Variants in MCUB observed in about 807,000 individuals in gnomAD.
MCUB encodes mitochondrial calcium uniporter dominant negative subunit beta, also known as calcium uniporter regulatory subunit MCUb, mitochondrial.
MCUB carries 46 observed loss-of-function variants against 41.4 expected under a neutral mutation model. That is an observed-to-expected ratio of 1.11 (90% CI 0.88 to 1.42). MCUB has a LOEUF of 1.42. Among genes scored for constraint, MCUB ranks in the 40% most tolerant of loss-of-function variants. The pLI is 0.00. For missense variants in MCUB, 403 were observed against 404.9 expected, an observed-to-expected ratio of 1.00 and a Z score of 0.04; for synonymous variants, 148 against 148.2, an observed-to-expected ratio of 1.00 and a Z score of 0.01.
At chr4:109,579,559 G>A (rs997245513) in intron 1 of MCUB, among the ~76,000 whole-genome samples, 1 of 152,140 alleles carries the variant, frequency 6.6e-6, no homozygotes, top group African/African-American at 2.4e-5. Flanking sequence ...ATAGCATTAG[G>A]CAGGTTTTGC....
chr4:109,572,804 A>G (rs1436574593), intron 1 of MCUB, among the ~76,000 whole-genome samples: 1 of 152,154 alleles, frequency 6.6e-6, no homozygotes, highest in Non-Finnish European at 1.5e-5. Flanking sequence ...TCATACTACT[A>G]CAATATAATT....
At chr4:109,603,397 C>T (rs1727791726) in intron 1 of MCUB, among the ~76,000 whole-genome samples, 1 of 152,204 alleles carries the variant, frequency 6.6e-6, no homozygotes, top group African/African-American at 2.4e-5. Flanking sequence ...TCACTCAGTG[C>T]TCAATGTTGC....
At chr4:109,563,198 T>C (rs1726682087) in intron 1 of MCUB, among the ~76,000 whole-genome samples, 1 of 152,244 alleles carries the variant, frequency 6.6e-6, no homozygotes, top group African/African-American at 2.4e-5. Context: ...TTTGTGCTAC[T>C]TAGACTGAGA....
intron 1 of MCUB, among the ~76,000 whole-genome samples, chr4:109,568,340 A>G (rs1222323915): frequency 6.6e-6 from 1 of 152,202 alleles, no homozygotes; most frequent in Non-Finnish European, 1.5e-5. Flanking sequence ...GCCTTAAAAC[A>G]TAAACTGCAG....
At chr4:109,634,499 AAAAAG>A (rs1398238020) in intron 1 of MCUB, among the ~76,000 whole-genome samples, 1 of 151,782 alleles carries the variant, frequency 6.6e-6, no homozygotes, top group Non-Finnish European at 1.5e-5. Context: ...AAAAAAAAAA[AAAAAG>A]AAGTGTCTCC....
At chr4:109,631,275 G>A (rs1728469535) in intron 1 of MCUB, among the ~76,000 whole-genome samples, 1 of 152,152 alleles carries the variant, frequency 6.6e-6, no homozygotes, top group East Asian at 1.9e-4. Context: ...GGCTTCTGAT[G>A]TCAACACATT....
chr4:109,648,392 G>A (rs1462852098), intron 1 of MCUB: 7 of 245,342 alleles, frequency 2.9e-5, no homozygotes, highest in East Asian at 1.2e-4. Context: ...GGAAGTTATT[G>A]TTGGCTGCTA....
intron 1 of MCUB, among the ~76,000 whole-genome samples, chr4:109,646,770 A>G (rs559680002): frequency 1.2e-4 from 18 of 152,172 alleles, no homozygotes; most frequent in Non-Finnish European, 1.9e-4. Context: ...CCTCAGGGAC[A>G]TAGCACATGG....
chr4:109,604,255 C>T lies in MCUB; in HGVS notation c.99+43819C>T, dbSNP rs1250670740. 3.3e-5 allele frequency among the ~76,000 whole-genome samples: 5 copies of T among 149,958 alleles called. No homozygotes were observed. In the South Asian group the frequency reaches 6.6e-4, roughly 20 times the overall value. On this transcript the variant is annotated intron_variant, in intron 1 of 7. Transcript: ENST00000394650. The stretch of plus-strand genomic sequence containing the variant: ...CAGGGACACAAACACTGCGGAAGGC[C>T]GCAGGGACCTCTGCCTAGGAAAACC...
chr4:109,568,700 C>T (rs549508155), intron 1 of MCUB, among the ~76,000 whole-genome samples: 1 of 152,294 alleles, frequency 6.6e-6, no homozygotes, highest in Non-Finnish European at 1.5e-5. Context: ...GAACTTACAT[C>T]ATTCGACCAT....
At chr4:109,581,520 A>G (rs1031840865) in intron 1 of MCUB, among the ~76,000 whole-genome samples, 2 of 151,110 alleles carry the variant, frequency 1.3e-5, no homozygotes, top group African/African-American at 4.9e-5. Context: ...ACAAAAGCCA[A>G]AATTGACAAA....
chr4:109,617,815 T>C (rs1014102240), intron 1 of MCUB, among the ~76,000 whole-genome samples: 1 of 152,188 alleles, frequency 6.6e-6, no homozygotes, highest in African/African-American at 2.4e-5. Flanking sequence ...ATAAGAAATA[T>C]GCAAAAATTT....
chr4:109,628,276 A>C (rs1728404803), intron 1 of MCUB, among the ~76,000 whole-genome samples: 1 of 152,240 alleles, frequency 6.6e-6, no homozygotes, highest in Non-Finnish European at 1.5e-5. Context: ...TTAGAAGGCC[A>C]GTGCGCCTGG....
chr4:109,595,385 C>T (rs572989329), intron 1 of MCUB, among the ~76,000 whole-genome samples: 51 of 152,092 alleles, frequency 3.4e-4, no homozygotes, highest in Middle Eastern at 3.4e-3. Flanking sequence ...AAAATGATAG[C>T]GTCAATAAAC....
intron 1 of MCUB, among the ~76,000 whole-genome samples, chr4:109,581,213 T>G (rs1727165866): frequency 6.6e-6 from 1 of 152,096 alleles, no homozygotes; most frequent in Non-Finnish European, 1.5e-5. Flanking sequence ...AACAGAGCCC[T>G]CAGAAATAAT....
rs916982202 is a variant in MCUB at position 109,664,261 on chromosome 4, C to T, written c.347-29C>T. ...GGTTCTTACTGTTCTAAAACAAAGACATGCTCATGCATGATGTTTTTCTTT... is the reference window on the plus strand; with the variant it reads ...GGTTCTTACTGTTCTAAAACAAAGATATGCTCATGCATGATGTTTTTCTTT... On this transcript the variant is annotated intron_variant, in intron 3 of 7. Transcript: ENST00000394650. 3.8e-6 allele frequency: 4 copies of T among 1,041,488 alleles called. No homozygotes were observed. In the African/African-American group the frequency reaches 6.3e-5, roughly 16 times the overall value. The allele number at this position is 1,041,488 out of a possible 1,614,324, so 64.5% of individuals were successfully genotyped here. A position where few individuals can be genotyped will look rare whatever the true frequency, so the allele number is the denominator to read the frequency against.
intron 1 of MCUB, among the ~76,000 whole-genome samples, chr4:109,645,100 T>A (rs1728804689): frequency 6.6e-6 from 1 of 152,208 alleles, no homozygotes; most frequent in South Asian, 2.1e-4. Context: ...CTCAGCATTT[T>A]TTGAACTGAG....
In MCUB at chr4:109,622,638, G is replaced by T. The variant is rs1163989816; in HGVS notation, c.100-36373G>T. On this transcript the variant is annotated intron_variant, in intron 1 of 7. Transcript: ENST00000394650. Reference sequence around the variant, plus strand: ...GTAGATTGTAATTTTGATAAAATCTGCTCTAATCACTTCAAGATTAAGTTA... The same window carrying T: ...GTAGATTGTAATTTTGATAAAATCTTCTCTAATCACTTCAAGATTAAGTTA... 5.3e-5 allele frequency among the ~76,000 whole-genome samples: 8 copies of T among 152,302 alleles called. No homozygotes were observed. The East Asian group carries it at 1.4e-3, about 26-fold the overall frequency.
intron 4 of MCUB, chr4:109,674,141 T>G: frequency 7.9e-7 from 1 of 1,258,122 alleles, no homozygotes; most frequent in South Asian, 1.2e-5. Flanking sequence ...AGATGCTGCC[T>G]TGTTGGAGGA....
Sources: gnomAD v4.1 joint callset for allele counts (sites outside exome capture counted in the v4.1 genomes callset) on GRCh38, gnomAD v4.1.1 for gene constraint, MANE v1.5 for transcripts, NCBI Gene and HGNC (gene_info 2026-07-23, HGNC 2026-07-21) for gene names.